The following SPATS2L variants were observed in gnomAD, a reference collection of about 807,000 sequenced individuals.
SPATS2L encodes spermatogenesis associated serine rich 2 like, also known as SPATS2-like protein.
A neutral mutation model predicts 59.6 loss-of-function variants in SPATS2L; 30 were observed. That is an observed-to-expected ratio of 0.50 (90% CI 0.38 to 0.68). The LOEUF is 0.68. SPATS2L is among the 30% of genes least tolerant of loss of function. The pLI is 0.00. For missense variants in SPATS2L, 615 were observed against 700.0 expected (o/e 0.88, Z 1.37); for synonymous variants, 252 against 263.5 (o/e 0.96, Z 0.42).
At chr2:200,422,627 G>C (rs555689557) in intron 6 of SPATS2L, among the ~76,000 whole-genome samples, 1 of 151,768 alleles carries the variant, frequency 6.6e-6, no homozygotes, top group East Asian at 1.9e-4. Flanking sequence ...TCTCCTTATT[G>C]GCCCTTAATT....
chr2:200,388,049 T>A (rs757484366), intron 2 of SPATS2L, among the ~76,000 whole-genome samples: 2 of 152,136 alleles, frequency 1.3e-5, no homozygotes, highest in Non-Finnish European at 2.9e-5. Context: ...AGAAGGATTA[T>A]GGGCAGTTTT....
chr2:200,352,313 TTATATATATATATATATA>T (rs869105613), intron 2 of SPATS2L, among the ~76,000 whole-genome samples: 4 of 8,650 alleles, frequency 4.6e-4, no homozygotes, highest in African/African-American at 6.3e-4. Flanking sequence ...CCAGCAGTTT[TTATATATATATATATATA>T]TATATATATA....
At chr2:200,384,331 A>G (rs1237284439) in intron 2 of SPATS2L, among the ~76,000 whole-genome samples, 5 of 134,620 alleles carry the variant, frequency 3.7e-5, no homozygotes, top group Non-Finnish European at 1.5e-5. Flanking sequence ...TTTGTGGTTC[A>G]TAAATTTTAT....
intron 2 of SPATS2L, among the ~76,000 whole-genome samples, chr2:200,377,222 C>T (rs1439633574): frequency 3.3e-5 from 5 of 152,116 alleles, no homozygotes; most frequent in Non-Finnish European, 7.4e-5. Context: ...AGTACTTGCC[C>T]AAATCCCAAA....
At chr2:200,337,068 T>A (rs1460353878) in intron 2 of SPATS2L, among the ~76,000 whole-genome samples, 2 of 152,236 alleles carry the variant, frequency 1.3e-5, no homozygotes, top group African/African-American at 4.8e-5. Context: ...ATAGTTCATC[T>A]TTTTAACTAA....
chr2:200,479,498 G>T lies in SPATS2L; in HGVS notation c.*1467G>T, dbSNP rs117269152. 513 of 398,534 alleles carry T rather than the reference G, an allele frequency of 1.3e-3. 7 individuals are homozygous for T. In the East Asian group the frequency reaches 0.017, roughly 13 times the overall value. 24.7% of individuals were successfully genotyped at this position (398,534 alleles called of 1,614,324 possible). On this transcript the variant is annotated 3_prime_UTR_variant, in exon 13 of 13. Coordinates refer to ENST00000409140, the MANE Select transcript of SPATS2L (RefSeq NM_001100423.2). ...AGACTAATTAGAGCCCACCCCTGGA[G>T]CCTGGGTGTGGCCATCTTCCCAGAG...
intron 3 of SPATS2L, among the ~76,000 whole-genome samples, chr2:200,404,504 C>T (rs2082629182): frequency 1.3e-5 from 2 of 152,128 alleles, no homozygotes; most frequent in Non-Finnish European, 2.9e-5. Flanking sequence ...TTCCCCCAAA[C>T]CTTTGTGGAG....
chr2:200,469,053 A>G (rs1574716574), intron 10 of SPATS2L, among the ~76,000 whole-genome samples: 2 of 152,308 alleles, frequency 1.3e-5, no homozygotes, highest in South Asian at 2.1e-4. Context: ...TAGAACCCCA[A>G]TTCCCCCATC....
At chr2:200,348,885 GA>G (rs796498029) in intron 2 of SPATS2L, among the ~76,000 whole-genome samples, 3,838 of 130,644 alleles carry the variant, frequency 0.029, 47 homozygotes, top group Middle Eastern at 0.1. Context: ...GTTTCATTAA[GA>G]AAAAAAAAAA....
chr2:200,321,168 A>C (rs181055590), intron 1 of SPATS2L, among the ~76,000 whole-genome samples: 2 of 152,194 alleles, frequency 1.3e-5, no homozygotes, highest in African/African-American at 4.8e-5. Flanking sequence ...GTGTGTGTGC[A>C]TGTGTATATT....
chr2:200,436,762 T>G (rs1030457575), intron 6 of SPATS2L, among the ~76,000 whole-genome samples: 3 of 152,202 alleles, frequency 2.0e-5, no homozygotes, highest in Non-Finnish European at 4.4e-5. Flanking sequence ...TTTACGACAC[T>G]ATACACGAAG....
intron 3 of SPATS2L, among the ~76,000 whole-genome samples, chr2:200,402,942 A>G (rs1406593796): frequency 6.6e-6 from 1 of 152,248 alleles, no homozygotes; most frequent in East Asian, 1.9e-4. Context: ...GCAAGGTTCT[A>G]AAACATAACA....
At chr2:200,454,798 C>T (rs6719516) in intron 8 of SPATS2L, among the ~76,000 whole-genome samples, 54,321 of 152,074 alleles carry the variant, frequency 0.36, 10,907 homozygotes, top group Non-Finnish European at 0.45. Context: ...GTTTGACGTG[C>T]CTGGTGCCCT....
At chr2:200,416,542 C>A in intron 5 of SPATS2L, 114 bp downstream of exon 5, 1 of 465,218 alleles carries the variant, frequency 2.1e-6, no homozygotes, top group Non-Finnish European at 3.7e-6. Context: ...TTAATATATA[C>A]ACCCAGAAAG....
chr2:200,344,897 G>A (rs563221158), intron 2 of SPATS2L, among the ~76,000 whole-genome samples: 1 of 151,864 alleles, frequency 6.6e-6, no homozygotes, highest in East Asian at 1.9e-4. Context: ...CATATCCTTC[G>A]CCCACTTTTT....
chr2:200,306,148 C>G, upstream of SPATS2L: 1 of 994,394 alleles, frequency 1.0e-6, no homozygotes, highest in Non-Finnish European at 1.2e-6. Context: ...TTTTTCCGCG[C>G]CTGATTTTTC....
intron 3 of SPATS2L, chr2:200,393,027 T>A (rs1323460709): frequency 2.9e-6 from 1 of 341,230 alleles, no homozygotes; most frequent in Non-Finnish European, 5.8e-6. Flanking sequence ...ATGTCCCTTT[T>A]ATGTCATGGC....
intron 8 of SPATS2L, among the ~76,000 whole-genome samples, chr2:200,455,592 C>T (rs1328826538): frequency 6.6e-6 from 1 of 152,184 alleles, no homozygotes; most frequent in South Asian, 2.1e-4. Flanking sequence ...AGGTGTACCT[C>T]GAAAGCAAGT....
chr2:200,327,860 G>GCACACACACACA (rs3036483), intron 1 of SPATS2L, among the ~76,000 whole-genome samples: 2 of 150,408 alleles, frequency 1.3e-5, no homozygotes, highest in African/African-American at 4.9e-5. Flanking sequence ...GCGTGTGCGG[G>GCACACACACACA]CACACACACA....
Sources: allele counts gnomAD v4.1 joint callset (sites outside exome capture counted in the v4.1 genomes callset), GRCh38; gene constraint gnomAD v4.1.1; transcripts MANE v1.5; gene names NCBI Gene and HGNC (gene_info 2026-07-23, HGNC 2026-07-21).